Variants in BCL2L15 observed in about 807,000 individuals in gnomAD.
BCL2L15 encodes BCL2 like 15.
Under a neutral mutation model 18.3 loss-of-function variants are expected in BCL2L15, and 15 were observed. The observed-to-expected ratio is 0.82, with a 90% CI of 0.55 to 1.26. BCL2L15 has a LOEUF of 1.26. BCL2L15 is among the 50% of genes most tolerant of loss of function. The pLI, the probability that BCL2L15 is intolerant of heterozygous loss-of-function variation, is 0.00. For missense variants in BCL2L15, 180 were observed against 201.7 expected (o/e 0.89, Z 0.65); for synonymous variants, 58 against 68.5 (o/e 0.85, Z 0.76).
At chr1:113,885,262 A>G (rs974613123) in intron 2 of BCL2L15, among the ~76,000 whole-genome samples, 2 of 151,826 alleles carry the variant, frequency 1.3e-5, no homozygotes, top group African/African-American at 4.8e-5. Context: ...AGCCAAAAAA[A>G]AAAATATGTT....
At position 113,881,060 on chromosome 1, in the gene BCL2L15, G is replaced by T; in HGVS notation, c.*63C>A. The stretch of plus-strand genomic sequence containing the variant: ...TTTATTTGTTTGTTTGAATTCCCAG[G>T]AATCAATCACCCAATCAGTCAACAA... On this transcript the variant is annotated 3_prime_UTR_variant, in exon 4 of 4. Transcript: ENST00000393316. 1.2e-6 allele frequency: 2 copies of T among 1,611,678 alleles called. No individual in the cohort carries two copies. The highest frequency in any genetic ancestry group is 1.1e-5 in the South Asian group (1 of 90,892).
intron 3 of BCL2L15, chr1:113,881,437 A>G: frequency 3.0e-6 from 4 of 1,337,898 alleles, no homozygotes; most frequent in Non-Finnish European, 9.6e-7. Context: ...AAAAAGACCC[A>G]GAAATTTACA....
At chr1:113,886,437 C>A in intron 2 of BCL2L15, 100 bp downstream of exon 2, 1 of 1,253,630 alleles carries the variant, frequency 8.0e-7, no homozygotes, top group Non-Finnish European at 1.1e-6. Context: ...CAAATATTTT[C>A]ATAGAACATT....
chr1:113,887,153 C>T, intron 1 of BCL2L15, 96 bp downstream of exon 1: 1 of 1,224,028 alleles, frequency 8.2e-7, no homozygotes, highest in South Asian at 1.3e-5. Flanking sequence ...CCACCTTGGC[C>T]TCCCAAAGTG....
intron 2 of BCL2L15, 23 bp from the exon 3 acceptor site, chr1:113,882,020 TCAA>T (rs1259184305): frequency 1.3e-6 from 2 of 1,599,932 alleles, no homozygotes; most frequent in South Asian, 2.2e-5. Flanking sequence ...AAAGGAAACA[TCAA>T]CAGAGTATCA....
rs1262988342 is a variant in BCL2L15 at position 113,880,193 on chromosome 1, C to T, written c.*930G>A. 2.0e-5 allele frequency: 3 copies of T among 151,818 alleles called. No individual in the cohort carries two copies. The highest frequency in any genetic ancestry group is 4.4e-5 in the Non-Finnish European group (3 of 67,866). The allele number at this position is 151,818 out of a possible 1,614,324, so 9.4% of individuals were successfully genotyped here. On this transcript the variant is annotated 3_prime_UTR_variant, in exon 4 of 4. Transcript: ENST00000393316. ...ATGGAGTAACTTTTATTTTCTTTGA[C>T]CTTCCTAGTAGAAACAACTGTTTTT...
At position 113,880,995 on chromosome 1, in the gene BCL2L15, TC is replaced by T. The variant is rs1331540954; in HGVS notation, c.*127del. ...TAACAATCAGTAAAAAATAACTTAT[TC>T]AGCTAAGTTCAGTTCTGATAAAATG... On this transcript the variant is annotated 3_prime_UTR_variant, in exon 4 of 4. Transcript: ENST00000393316. The T allele has an allele frequency of 7.6e-6, 10 of 1,309,608 alleles. No individual in the cohort carries two copies. Among genetic ancestry groups the T allele is most frequent in the Non-Finnish European group, 1.1e-5 (10 of 924,576 alleles). The allele number at this position is 1,309,608 out of a possible 1,614,324, so 81.1% of individuals were successfully genotyped here.
Position 113,877,160 on chromosome 1 carries a change from T to C in BCL2L15, c.*3963A>G, listed in dbSNP as rs1439594034. 6.6e-6 allele frequency among the ~76,000 whole-genome samples: 1 copy of C among 151,660 alleles called. No individual in the cohort carries two copies. Among genetic ancestry groups the C allele is most frequent in the Non-Finnish European group, 1.5e-5 (1 of 67,922 alleles). On this transcript the variant is annotated 3_prime_UTR_variant, in exon 4 of 4. Coordinates refer to ENST00000393316, the MANE Select transcript of BCL2L15 (RefSeq NM_001010922.3). ...AAGGAATATGAAACATAGGGAACAG[T>C]AGGAGGAGGGCAGCTTTAGTGACTG...
intron 1 of BCL2L15, 135 bp downstream of exon 1, chr1:113,887,114 T>A (rs1667060729): frequency 1.3e-6 from 1 of 765,946 alleles, no homozygotes; most frequent in East Asian, 2.8e-5. Context: ...GCCAGGCGGA[T>A]CTCAAACCCC....
intron 2 of BCL2L15, among the ~76,000 whole-genome samples, chr1:113,885,794 G>A (rs1004136210): frequency 1.3e-5 from 2 of 152,086 alleles, no homozygotes; most frequent in Non-Finnish European, 2.9e-5. Context: ...TGTAGTCCCA[G>A]GTACTTGGGA....
Position 113,880,268 on chromosome 1 carries a change from C to A in BCL2L15, c.*855G>T, listed in dbSNP as rs1024211137. 1 of 152,254 alleles carries A rather than the reference C, an allele frequency of 6.6e-6. No homozygotes were observed. Among genetic ancestry groups the A allele is most frequent in the Non-Finnish European group, 1.5e-5 (1 of 68,040 alleles). The allele number at this position is 152,254 out of a possible 1,614,324, so 9.4% of individuals were successfully genotyped here. A position where few individuals can be genotyped will look rare whatever the true frequency, so the allele number is the denominator to read the frequency against. On this transcript the variant is annotated 3_prime_UTR_variant, in exon 4 of 4. Transcript: ENST00000393316. ...CAACCTCTAAAATGCATAAAATAGT[C>A]CTTCTCAGGTGAAATTAACATGAAG...
rs1475697185 is a variant in BCL2L15, at chr1:113,876,991, A to G, written c.*4132T>C. Among the ~76,000 whole-genome samples, 1 of 152,130 alleles carries G rather than the reference A, an allele frequency of 6.6e-6. No individual in the cohort carries two copies. The highest frequency in any genetic ancestry group is 1.5e-5 in the Non-Finnish European group (1 of 68,004). Reference sequence around the variant, plus strand: ...ATTACAACTTAAGGCCATTTTTTGGATAAGAAACATAAAAGTGGTACAAAC... The same window carrying G: ...ATTACAACTTAAGGCCATTTTTTGGGTAAGAAACATAAAAGTGGTACAAAC... On this transcript the variant is annotated 3_prime_UTR_variant, in exon 4 of 4. Coordinates refer to ENST00000393316, the MANE Select transcript of BCL2L15 (RefSeq NM_001010922.3).
Position 113,879,719 on chromosome 1 carries a change from T to G in BCL2L15, c.*1404A>C, listed in dbSNP as rs761778622. On this transcript the variant is annotated 3_prime_UTR_variant, in exon 4 of 4. Coordinates refer to ENST00000393316, the MANE Select transcript of BCL2L15 (RefSeq NM_001010922.3). ...CCAACTTTTTCTGTAAAGGGCCAGC[T>G]AGTAAATATTTTGGACTTAACCAGC... The G allele has an allele frequency of 9.9e-5, 15 of 152,248 alleles. No homozygotes were observed. The highest frequency in any genetic ancestry group is 1.8e-4 in the Non-Finnish European group (12 of 68,046). 9.4% of individuals were successfully genotyped at this position (152,248 alleles called of 1,614,324 possible). A position where few individuals can be genotyped will look rare whatever the true frequency, so the allele number is the denominator to read the frequency against.
rs1239149178 is a variant in BCL2L15 at position 113,881,971 on chromosome 1, C to T, written c.276G>A (p.Val92=). The stretch of plus-strand genomic sequence containing the variant: ...CACACCAGGTCTTGCTGAGAGATTC[C>T]ACAGTGTCCTGGAGTATAGCTCCTG... The part of the protein sequence containing the change: ...GQTGAILQDT[V]ESLSKTWCAQ... Residue 92 remains valine (V), a synonymous_variant, in exon 3 of 4, where the codon GTG becomes GTA. Transcript: ENST00000393316. 5 of 1,614,002 alleles carry T rather than the reference C, an allele frequency of 3.1e-6. No homozygotes were observed. The highest frequency in any genetic ancestry group is 4.2e-6 in the Non-Finnish European group (5 of 1,179,892).
intron 1 of BCL2L15, 146 bp downstream of exon 1, chr1:113,887,103 G>T: frequency 1.5e-6 from 1 of 683,692 alleles, no homozygotes; most frequent in Non-Finnish European, 2.4e-6. Flanking sequence ...TCACCACGTT[G>T]GCCAGGCGGA....
Position 113,887,318 on chromosome 1 carries a change from T to C in BCL2L15, c.58A>G (p.Met20Val), listed in dbSNP as rs1294548603. ...TGCAATGTTGGGCTCAAGAAGTCCA[T>C]GAGTAGAGTGTTCACAATGCATTCC... ...QTECIVNTLLMDFLSPTLQVA... is the reference protein window; with the variant it reads ...QTECIVNTLLVDFLSPTLQVA... The change falls in exon 1 of 4, where the codon ATG becomes GTG. Residue 20 changes from methionine to valine, a missense_variant. Transcript: ENST00000393316. 3 of 1,614,112 alleles carry C rather than the reference T, an allele frequency of 1.9e-6. No individual in the cohort carries two copies. The highest frequency in any genetic ancestry group is 1.3e-5 in the African/African-American group (1 of 75,060).
rs1453829228 is a variant in BCL2L15, at chr1:113,878,548, C to G, written c.*2575G>C. ...GTTTTATGAGCAACATAGGATAAAA[C>G]TGGGAGCTGGAATTATTCAATTTAG... On this transcript the variant is annotated 3_prime_UTR_variant, in exon 4 of 4. Transcript: ENST00000393316. 1 of 152,346 alleles carries G rather than the reference C, an allele frequency of 6.6e-6. No individual in the cohort carries two copies. Among genetic ancestry groups the G allele is most frequent in the East Asian group, 1.9e-4 (1 of 5,340 alleles). The allele number at this position is 152,346 out of a possible 1,614,324, so 9.4% of individuals were successfully genotyped here.
rs1183045903 is a variant in BCL2L15, at chr1:113,877,523, C to T, written c.*3600G>A. Among the ~76,000 whole-genome samples the T allele has an allele frequency of 3.3e-5, 5 of 152,036 alleles. No individual in the cohort carries two copies. The highest frequency in any genetic ancestry group is 6.6e-5 in the Admixed American group (1 of 15,260). ...TAAGAGAATGGCATTCAAAGCAATG[C>T]TTTTGGAAAGTTATTTCTTGATTTA... is the stretch of plus-strand genomic sequence containing the variant. On this transcript the variant is annotated 3_prime_UTR_variant, in exon 4 of 4. Transcript: ENST00000393316.
intron 1 of BCL2L15, 60 bp from the exon 2 acceptor site, chr1:113,886,718 T>C (rs1746860): frequency 0.33 from 493,074 of 1,513,538 alleles, 87,904 homozygotes; most frequent in African/African-American, 0.71. Context: ...CCCAGGAATC[T>C]GGGCAATGAG....
Sources: allele counts gnomAD v4.1 joint callset (sites outside exome capture counted in the v4.1 genomes callset), GRCh38; gene constraint gnomAD v4.1.1; transcripts MANE v1.5; gene names NCBI Gene and HGNC (gene_info 2026-07-23, HGNC 2026-07-21).